The following TRABD2B variants were observed in gnomAD, a reference collection of about 807,000 sequenced individuals.
The protein encoded by TRABD2B is TraB domain containing 2B.
Under a neutral mutation model 40.1 loss-of-function variants are expected in TRABD2B, and 14 were observed. The observed-to-expected ratio is 0.35, with a 90% confidence interval of 0.23 to 0.55. The LOEUF (loss-of-function observed/expected upper bound fraction) is 0.55, where lower values mean the gene tolerates loss of function less well. Ranked by LOEUF, TRABD2B falls within the 20% of genes least tolerant of loss-of-function variation. The pLI is 0.90. For synonymous variants in TRABD2B, 263 were observed against 277.0 expected (o/e 0.95, Z 0.50); for missense variants, 541 against 648.6 (o/e 0.83, Z 1.80).
At chr1:47,839,396 A>T (rs1256951052) in intron 2 of TRABD2B, among the ~76,000 whole-genome samples, 1 of 151,848 alleles carries the variant, frequency 6.6e-6, no homozygotes, top group African/African-American at 2.4e-5. Context: ...AAACACATTC[A>T]CTCACACCTA....
At chr1:47,783,386 A>G (rs1158577463) in intron 4 of TRABD2B, among the ~76,000 whole-genome samples, 1 of 152,126 alleles carries the variant, frequency 6.6e-6, no homozygotes, top group African/African-American at 2.4e-5. Context: ...GAAGACAAAA[A>G]GCGTGGTGGA....
intron 2 of TRABD2B, among the ~76,000 whole-genome samples, chr1:47,864,089 G>C (rs1405525984): frequency 1.3e-5 from 2 of 152,168 alleles, no homozygotes; most frequent in Non-Finnish European, 2.9e-5. Context: ...TAGTGGCCAG[G>C]TGTTGTGGGG....
intron 3 of TRABD2B, among the ~76,000 whole-genome samples, chr1:47,797,967 G>A (rs1054564226): frequency 6.6e-5 from 10 of 152,078 alleles, no homozygotes; most frequent in African/African-American, 1.7e-4. Context: ...CAAATGCTCA[G>A]GTCTGCTGAC....
chr1:47,980,259 C>T (rs1467819793), intron 2 of TRABD2B, among the ~76,000 whole-genome samples: 1 of 152,182 alleles, frequency 6.6e-6, no homozygotes, highest in African/African-American at 2.4e-5. Flanking sequence ...CCAGGACATG[C>T]CCACTTGTCC....
rs376684456 is a variant in TRABD2B, at chr1:47,956,655, C to G, written c.666+37379G>C. ...AACTGCAAGGCGGCAGGGAGGCTGG[C>G]GGAGGGGCGCCCGCCATTGCTGAGG... On this transcript the variant is annotated intron_variant, in intron 2 of 6. Coordinates refer to ENST00000606738, the MANE Select transcript of TRABD2B (RefSeq NM_001194986.2). Among the ~76,000 whole-genome samples the G allele has an allele frequency of 7.9e-3, 1,196 of 152,252 alleles. 11 individuals carry two copies. Among genetic ancestry groups the G allele is most frequent in the African/African-American group, 0.027 (1,137 of 41,536 alleles).
At chr1:47,862,223 C>A (rs1050433086) in intron 2 of TRABD2B, among the ~76,000 whole-genome samples, 1 of 152,086 alleles carries the variant, frequency 6.6e-6, no homozygotes, top group South Asian at 2.1e-4. Flanking sequence ...CTTTTCAACA[C>A]CGTACTGGAA....
chr1:47,985,974 A>T (rs1300984546), intron 2 of TRABD2B, among the ~76,000 whole-genome samples: 3 of 152,180 alleles, frequency 2.0e-5, no homozygotes, highest in Admixed American at 1.3e-4. Flanking sequence ...ACTAAGGAGT[A>T]TATGTGAGAG....
chr1:47,882,450 C>A (rs966809585), intron 2 of TRABD2B, among the ~76,000 whole-genome samples: 2 of 152,166 alleles, frequency 1.3e-5, no homozygotes, highest in Non-Finnish European at 2.9e-5. Context: ...CTTAGGGTTG[C>A]GGGTGAGGGG....
intron 2 of TRABD2B, among the ~76,000 whole-genome samples, chr1:47,824,196 G>A (rs942312906): frequency 2.6e-5 from 4 of 152,122 alleles, no homozygotes; most frequent in African/African-American, 7.2e-5. Flanking sequence ...AGCCAGGCTC[G>A]CTCGTGTCCT....
chr1:47,923,837 G>T (rs565065742), intron 2 of TRABD2B, among the ~76,000 whole-genome samples: 3 of 151,420 alleles, frequency 2.0e-5, no homozygotes, highest in Admixed American at 6.6e-5. Context: ...GAAGACTGTG[G>T]ACCTGCACCT....
At chr1:47,772,666 A>C (rs1210271658) in intron 6 of TRABD2B, among the ~76,000 whole-genome samples, 1 of 152,144 alleles carries the variant, frequency 6.6e-6, no homozygotes, top group Non-Finnish European at 1.5e-5. Context: ...TAGAAGGACT[A>C]TCAGTGGGCC....
At chr1:47,804,268 G>T (rs1239240439) in intron 2 of TRABD2B, among the ~76,000 whole-genome samples, 1 of 152,240 alleles carries the variant, frequency 6.6e-6, no homozygotes, top group African/African-American at 2.4e-5. Flanking sequence ...TCTGGTGCAG[G>T]GTGTCGATGG....
chr1:47,822,514 G>A (rs1317010985), intron 2 of TRABD2B, among the ~76,000 whole-genome samples: 7 of 152,142 alleles, frequency 4.6e-5, no homozygotes, highest in African/African-American at 1.2e-4. Flanking sequence ...TTCTGGCTTT[G>A]CCACTTGCTC....
At chr1:47,932,773 G>A (rs929661350) in intron 2 of TRABD2B, among the ~76,000 whole-genome samples, 2 of 152,172 alleles carry the variant, frequency 1.3e-5, no homozygotes, top group Admixed American at 1.3e-4. Context: ...GGTTGACTCT[G>A]CGCAAGTCAC....
chr1:47,845,716 A>G (rs1034123009), intron 2 of TRABD2B, among the ~76,000 whole-genome samples: 8 of 152,238 alleles, frequency 5.3e-5, no homozygotes, highest in African/African-American at 1.9e-4. Flanking sequence ...GATACAAGGT[A>G]TGTGAATATA....
intron 2 of TRABD2B, among the ~76,000 whole-genome samples, chr1:47,890,149 T>C (rs1305956890): frequency 6.6e-6 from 1 of 152,222 alleles, no homozygotes; most frequent in Non-Finnish European, 1.5e-5. Context: ...GGTAGGTTGT[T>C]AATAATAGCT....
chr1:47,768,500 C>T (rs1478490514), intron 6 of TRABD2B, among the ~76,000 whole-genome samples: 3 of 152,160 alleles, frequency 2.0e-5, no homozygotes, highest in Non-Finnish European at 4.4e-5. Flanking sequence ...CTGCCATTTT[C>T]CTACTCACCT....
chr1:47,941,141 G>C (rs765143457), intron 2 of TRABD2B, among the ~76,000 whole-genome samples: 1 of 152,070 alleles, frequency 6.6e-6, no homozygotes, highest in Non-Finnish European at 1.5e-5. Flanking sequence ...CTCTCACCCT[G>C]GCCACTCCTC....
chr1:47,773,634 C>A (rs1396404754), intron 6 of TRABD2B, among the ~76,000 whole-genome samples: 3 of 152,228 alleles, frequency 2.0e-5, no homozygotes, highest in African/African-American at 7.2e-5. Context: ...TGTGGCTTTG[C>A]TCCTCCTTGC....
Sources: allele counts gnomAD v4.1 joint callset (sites outside exome capture counted in the v4.1 genomes callset), GRCh38; gene constraint gnomAD v4.1.1; transcripts MANE v1.5; gene names NCBI Gene and HGNC (gene_info 2026-07-23, HGNC 2026-07-21).